Variants in KIAA1328 observed in about 807,000 individuals in gnomAD.
The protein encoded by KIAA1328 is protein hinderin.
A neutral mutation model predicts 68.1 loss-of-function variants in KIAA1328; 52 were observed. The ratio of observed to expected loss-of-function variants is 0.76; its 90% CI spans 0.61 to 0.96. The LOEUF is 0.96. KIAA1328 is among the 40% of genes least tolerant of loss of function. The pLI is 0.00. For missense variants in KIAA1328, 641 were observed against 677.6 expected, an observed-to-expected ratio of 0.95 and a Z score of 0.60; for synonymous variants, 232 against 239.4, an observed-to-expected ratio of 0.97 and a Z score of 0.28.
At chr18:37,089,756 C>T (rs2057217056) in intron 7 of KIAA1328, among the ~76,000 whole-genome samples, 1 of 152,022 alleles carries the variant, frequency 6.6e-6, no homozygotes, top group African/African-American at 2.4e-5. Context: ...TGTTGAATTG[C>T]TCAGTATTAT....
At position 37,062,282 on chromosome 18, in the gene KIAA1328, C is replaced by T. The variant is rs111986065; in HGVS notation, c.577-4608C>T. ...AACATGGCCTTTGGGGATTTCTCCC[C>T]CACCTCATCTACACACCACATACAA... On this transcript the variant is annotated intron_variant, in intron 6 of 9. Coordinates refer to ENST00000280020, the MANE Select transcript of KIAA1328 (RefSeq NM_020776.3). Among the ~76,000 whole-genome samples the T allele has an allele frequency of 2.8e-3, 416 of 147,342 alleles. 4 individuals carry two copies. Among genetic ancestry groups the T allele is most frequent in the Admixed American group, 4.9e-3 (72 of 14,690 alleles).
At position 37,066,949 on chromosome 18, in the gene KIAA1328, G is replaced by C; in HGVS notation, c.636G>C (p.Leu212Phe). 1 of 1,611,362 alleles carries C rather than the reference G, an allele frequency of 6.2e-7. No homozygotes were observed. The highest frequency in any genetic ancestry group is 1.1e-5 in the South Asian group (1 of 90,562). The change falls in exon 7 of 10, where the codon TTG (leucine) becomes TTC (phenylalanine). Residue 212 changes from leucine to phenylalanine, a missense_variant. Coordinates refer to ENST00000280020, the MANE Select transcript of KIAA1328 (RefSeq NM_020776.3). ...CTGTGGAACTGGATGGTTCCTACTT[G>C]AGCATAGCCAGACCACAGACCTACT... ...CSSVELDGSY[L>F]SIARPQTYYQ...
At chr18:36,863,154 T>C (rs549891436) in intron 4 of KIAA1328, among the ~76,000 whole-genome samples, 1 of 152,110 alleles carries the variant, frequency 6.6e-6, no homozygotes, top group Non-Finnish European at 1.5e-5. Context: ...AGAATAAAAG[T>C]TTTGAATTTA....
At chr18:36,963,386 A>T (rs1040022241) in intron 6 of KIAA1328, among the ~76,000 whole-genome samples, 18 of 152,178 alleles carry the variant, frequency 1.2e-4, no homozygotes, top group African/African-American at 4.3e-4. Context: ...TTTGGCAAGG[A>T]TGTGGGAAGG....
intron 4 of KIAA1328, among the ~76,000 whole-genome samples, chr18:36,881,354 G>A (rs1029657289): frequency 6.6e-6 from 1 of 150,452 alleles, no homozygotes; most frequent in Non-Finnish European, 1.5e-5. Flanking sequence ...TTTTAATATC[G>A]AATCTACCCT....
intron 6 of KIAA1328, among the ~76,000 whole-genome samples, chr18:36,976,876 T>A (rs1017024191): frequency 1.3e-5 from 2 of 152,182 alleles, no homozygotes; most frequent in African/African-American, 4.8e-5. Flanking sequence ...TGACTTGTGT[T>A]GTTATATGAT....
At chr18:37,129,176 T>TA (rs917284013) in intron 7 of KIAA1328, among the ~76,000 whole-genome samples, 16 of 152,104 alleles carry the variant, frequency 1.1e-4, no homozygotes, top group South Asian at 2.1e-4. Context: ...ACCTCAATAT[T>TA]AAAAAAAACC....
chr18:36,924,259 G>A (rs2050032847), intron 5 of KIAA1328, among the ~76,000 whole-genome samples: 2 of 152,088 alleles, frequency 1.3e-5, no homozygotes, highest in African/African-American at 2.4e-5. Context: ...CTGGGGGCAG[G>A]ATAAAAGGTA....
chr18:36,992,471 T>C (rs1330175167), intron 6 of KIAA1328, among the ~76,000 whole-genome samples: 1 of 108,100 alleles, frequency 9.3e-6, no homozygotes, highest in Non-Finnish European at 2.1e-5. Flanking sequence ...TTTTTTTTTT[T>C]TTTTTGCTAT....
At chr18:37,041,216 C>T (rs1163559169) in intron 6 of KIAA1328, among the ~76,000 whole-genome samples, 1 of 151,612 alleles carries the variant, frequency 6.6e-6, no homozygotes, top group African/African-American at 2.4e-5. Context: ...ATTTCATGTG[C>T]CTTGGGACTC....
intron 5 of KIAA1328, among the ~76,000 whole-genome samples, chr18:36,958,334 C>T (rs1348155559): frequency 2.0e-5 from 3 of 152,064 alleles, no homozygotes; most frequent in Non-Finnish European, 4.4e-5. Flanking sequence ...TTCTTCAGGA[C>T]ATATTTTCAC....
At chr18:36,848,010 A>T (rs975659324) in intron 4 of KIAA1328, among the ~76,000 whole-genome samples, 1 of 151,606 alleles carries the variant, frequency 6.6e-6, no homozygotes, top group African/African-American at 2.4e-5. Flanking sequence ...AATCAGGTAA[A>T]TCCTTTAGCT....
At chr18:37,039,913 T>C (rs565224075) in intron 6 of KIAA1328, among the ~76,000 whole-genome samples, 5 of 152,280 alleles carry the variant, frequency 3.3e-5, no homozygotes, top group African/African-American at 1.2e-4. Flanking sequence ...GCCTCCTAGC[T>C]CATTCAGGTT....
At chr18:37,167,331 GCTTT>G (rs1247395571) in intron 8 of KIAA1328, among the ~76,000 whole-genome samples, 4 of 152,182 alleles carry the variant, frequency 2.6e-5, no homozygotes, top group African/African-American at 9.7e-5. Context: ...AGGACAGAGG[GCTTT>G]CTGTATCCCG....
intron 7 of KIAA1328, among the ~76,000 whole-genome samples, chr18:37,103,340 G>GA (rs2057679161): frequency 6.6e-6 from 1 of 152,112 alleles, no homozygotes. Context: ...GGAGAACCCA[G>GA]AAATAAATCT....
chr18:37,226,279 A>C (rs2060636553), downstream of KIAA1328, among the ~76,000 whole-genome samples: 1 of 146,730 alleles, frequency 6.8e-6, no homozygotes, highest in South Asian at 2.1e-4. Context: ...GCCCTTTTTA[A>C]ATTTTTTTTT....
intron 7 of KIAA1328, among the ~76,000 whole-genome samples, chr18:37,106,517 C>T (rs1034572011): frequency 9.9e-5 from 15 of 151,316 alleles, no homozygotes; most frequent in African/African-American, 3.6e-4. Flanking sequence ...CTCTCAAGTT[C>T]AAGCAGTTCT....
Position 36,874,783 on chromosome 18 carries a change from C to A in KIAA1328, c.333-10774C>A, listed in dbSNP as rs150314160. Among the ~76,000 whole-genome samples the A allele has an allele frequency of 5.4e-3, 826 of 152,228 alleles. 6 individuals carry two copies. Among genetic ancestry groups the A allele is most frequent in the African/African-American group, 0.019 (801 of 41,544 alleles). ...ATGCGTATGTCCTGAATGGTATTGC[C>A]TAGGTTTTCTTCTAGGGTTTTTATG... On this transcript the variant is annotated intron_variant, in intron 4 of 9. Transcript: ENST00000280020.
chr18:36,950,232 GAAA>G, intron 5 of KIAA1328, among the ~76,000 whole-genome samples: 1 of 152,216 alleles, frequency 6.6e-6, no homozygotes, highest in Non-Finnish European at 1.5e-5. Context: ...TTTAAGATGA[GAAA>G]ATCTTGCTAG....
Sources: allele counts gnomAD v4.1 joint callset (sites outside exome capture counted in the v4.1 genomes callset), GRCh38; gene constraint gnomAD v4.1.1; transcripts MANE v1.5; gene names NCBI Gene and HGNC (gene_info 2026-07-23, HGNC 2026-07-21).